SECISBP2: variants seen among roughly 807,000 people sequenced by gnomAD.
The protein encoded by SECISBP2 is SECIS binding protein 2, also known as selenocysteine insertion sequence-binding protein 2.
SECISBP2 carries 96 observed loss-of-function variants against 98.2 expected under a neutral mutation model. The observed-to-expected ratio is 0.98, with a 90% CI of 0.83 to 1.16. SECISBP2 has a LOEUF of 1.16. Among genes scored for constraint, SECISBP2 ranks in the 50% most tolerant of loss-of-function variants. The probability of loss-of-function intolerance (pLI) is 0.00; values close to 1 mark genes in which losing one functional copy is unlikely to be tolerated. For synonymous variants in SECISBP2, 407 were observed against 370.2 expected (o/e 1.10, Z -1.14); for missense variants, 1,046 against 1,022.9 (o/e 1.02, Z -0.31).
chr9:89,327,921 G>T (rs1447352661), intron 4 of SECISBP2, among the ~76,000 whole-genome samples: 1 of 147,594 alleles, frequency 6.8e-6, no homozygotes, highest in African/African-American at 2.5e-5. Flanking sequence ...AGCAATTCTT[G>T]TGCCTCAGCC....
At chr9:89,362,532 G>A, downstream of SECISBP2, 1 of 1,592,786 alleles carries the variant, frequency 6.3e-7, no homozygotes, top group South Asian at 1.1e-5. Flanking sequence ...AGCACTCAAG[G>A]CCTCAGCCCC....
chr9:89,362,917 C>A (rs1047831033), downstream of SECISBP2, among the ~76,000 whole-genome samples: 4 of 152,138 alleles, frequency 2.6e-5, no homozygotes, highest in Admixed American at 6.5e-5. Flanking sequence ...AGACAGGGAG[C>A]CTCTAGGGAG....
intron 1 of SECISBP2, chr9:89,318,988 C>T: frequency 1.9e-6 from 2 of 1,068,118 alleles, no homozygotes; most frequent in Non-Finnish European, 2.3e-6. Flanking sequence ...ATTCTCCGCT[C>T]TACGTACTCA....
rs775785735 is a variant in SECISBP2, at chr9:89,349,819, G to A, written c.1782G>A (p.Glu594=). 1.6e-5 allele frequency: 26 copies of A among 1,614,094 alleles called. No individual in the cohort carries two copies. The highest frequency in any genetic ancestry group is 5.1e-6 in the Non-Finnish European group (6 of 1,180,042). ...MDELISTPSV[E]DKSEEPPGTE... is the part of the protein sequence containing the mutation. ...AACTGATCTCCACTCCTTCGGTTGA[G>A]GACAAGTCTGAAGAGCCACCAGGCA... Residue 594 remains glutamate (E), a synonymous_variant, in exon 13 of 17, where the codon GAG becomes GAA. Coordinates refer to ENST00000375807, the MANE Select transcript of SECISBP2 (RefSeq NM_024077.5).
At chr9:89,320,529 G>A (rs1825600433) in intron 2 of SECISBP2, among the ~76,000 whole-genome samples, 1 of 152,146 alleles carries the variant, frequency 6.6e-6, no homozygotes, top group South Asian at 2.1e-4. Flanking sequence ...GTTGAGCGAA[G>A]GGGAGGGGAC....
downstream of SECISBP2, chr9:89,363,553 T>G: frequency 2.5e-6 from 4 of 1,613,344 alleles, no homozygotes; most frequent in Non-Finnish European, 3.4e-6. Context: ...GGTCCCCAGG[T>G]CAAAGCTCTG....
chr9:89,318,680 C>T (rs1825125134), intron 1 of SECISBP2, 68 bp downstream of exon 1: 16 of 1,333,384 alleles, frequency 1.2e-5, no homozygotes, highest in Non-Finnish European at 1.5e-5. Context: ...GGGGCTCGGC[C>T]GGGCGGTGAC....
chr9:89,349,806 CT>C lies in SECISBP2; in HGVS notation c.1770del (p.Pro591LeufsTer87). The C allele has an allele frequency of 6.2e-7, 1 of 1,614,230 alleles. No homozygotes were observed. ...GAGGGGATGGACGAACTGATCTCCA[CT>C]CCTTCGGTTGAGGACAAGTCTGAAG... ...GPEGMDELIS[T>X]PSVEDKSEEP... On this transcript the variant is annotated frameshift_variant, in exon 13 of 17. Transcript: ENST00000375807. LOFTEE classifies it high-confidence loss of function.
At chr9:89,363,350 C>T, downstream of SECISBP2, 1 of 1,583,110 alleles carries the variant, frequency 6.3e-7, no homozygotes, top group Non-Finnish European at 8.5e-7. Flanking sequence ...GAATGGGGCC[C>T]TTGAAAGATC....
intron 7 of SECISBP2, among the ~76,000 whole-genome samples, chr9:89,335,570 A>C (rs1828525272): frequency 6.6e-6 from 1 of 152,130 alleles, no homozygotes; most frequent in African/African-American, 2.4e-5. Flanking sequence ...ACCTCAGGTG[A>C]CCCATCCACC....
chr9:89,342,877 G>A (rs1442709062), intron 10 of SECISBP2, among the ~76,000 whole-genome samples: 1 of 152,168 alleles, frequency 6.6e-6, no homozygotes, highest in Non-Finnish European at 1.5e-5. Flanking sequence ...AATTTATGCA[G>A]CTGAATTGTG....
At chr9:89,351,238 T>G (rs757456123) in intron 14 of SECISBP2, among the ~76,000 whole-genome samples, 16 of 152,242 alleles carry the variant, frequency 1.1e-4, no homozygotes, top group Non-Finnish European at 1.9e-4. Context: ...ACTTGACATT[T>G]TGTTGTTCAG....
chr9:89,348,788 G>T (rs1830818971), intron 12 of SECISBP2, among the ~76,000 whole-genome samples: 1 of 152,260 alleles, frequency 6.6e-6, no homozygotes, highest in South Asian at 2.1e-4. Flanking sequence ...TGTGGCTCTA[G>T]TGCAACTGTG....
chr9:89,363,961 A>G, downstream of SECISBP2: 1 of 1,614,062 alleles, frequency 6.2e-7, no homozygotes, highest in Non-Finnish European at 8.5e-7. Context: ...CTGGGGACAC[A>G]GACCGTTTCC....
In SECISBP2 at chr9:89,357,879, T is replaced by C. The variant is rs564550061; in HGVS notation, c.2269-120T>C. ...CATCCCTGGTACCCACCCATAAGCA[T>C]GAGGTCCACATTACCCCATGTCACC... On this transcript the variant is annotated intron_variant, in intron 15 of 16. Transcript: ENST00000375807. The C allele has an allele frequency of 1.2e-3, 1,402 of 1,133,918 alleles. 2 individuals are homozygous for C. Among genetic ancestry groups the C allele is most frequent in the Non-Finnish European group, 1.6e-3 (1,248 of 762,842 alleles). 70.2% of individuals were successfully genotyped at this position (1,133,918 alleles called of 1,614,324 possible).
chr9:89,321,388 CG>C (rs1390823263), intron 2 of SECISBP2, among the ~76,000 whole-genome samples: 3 of 152,160 alleles, frequency 2.0e-5, no homozygotes, highest in Non-Finnish European at 4.4e-5. Context: ...TTTTCTTGGC[CG>C]GGTGTGGTGG....
intron 5 of SECISBP2, among the ~76,000 whole-genome samples, chr9:89,331,874 G>T (rs1235607707): frequency 6.6e-6 from 1 of 152,130 alleles, no homozygotes; most frequent in Non-Finnish European, 1.5e-5. Flanking sequence ...TCCATTATGG[G>T]AATCCGTATA....
intron 2 of SECISBP2, among the ~76,000 whole-genome samples, chr9:89,321,423 T>C (rs1225622607): frequency 6.6e-6 from 1 of 152,152 alleles, no homozygotes; most frequent in Non-Finnish European, 1.5e-5. Context: ...TCCCAGCACT[T>C]TGGGAGGCCA....
chr9:89,363,274 C>CA (rs148589026), downstream of SECISBP2, among the ~76,000 whole-genome samples: 2 of 152,120 alleles, frequency 1.3e-5, no homozygotes, highest in South Asian at 2.1e-4. Flanking sequence ...ATTTCCCCCC[C>CA]CAGTGTTGCA....
Sources: allele counts gnomAD v4.1 joint callset (sites outside exome capture counted in the v4.1 genomes callset), GRCh38; gene constraint gnomAD v4.1.1; transcripts MANE v1.5; gene names NCBI Gene and HGNC (gene_info 2026-07-23, HGNC 2026-07-21).